FGF12: variants seen among roughly 807,000 people sequenced by gnomAD.
FGF12 encodes fibroblast growth factor 12B.
A neutral mutation model predicts 23.6 loss-of-function variants in FGF12; 14 were observed. The ratio of observed to expected loss-of-function variants is 0.59; its 90% CI spans 0.39 to 0.93. FGF12 has a LOEUF of 0.93. Among genes scored for constraint, FGF12 ranks in the 40% least tolerant of loss-of-function variants. FGF12 has a pLI of 0.00. For missense variants in FGF12, 175 were observed against 217.8 expected (o/e 0.80, Z 1.24); for synonymous variants, 62 against 77.3 (o/e 0.80, Z 1.04).
At chr3:192,451,779 T>C (rs979935823) in intron 2 of FGF12, among the ~76,000 whole-genome samples, 19 of 152,324 alleles carry the variant, frequency 1.2e-4, no homozygotes, top group Admixed American at 5.2e-4. Context: ...GGCTGTATAA[T>C]AGCCCATTGT....
chr3:192,516,661 A>C (rs1451080192), intron 2 of FGF12: 1 of 152,240 alleles, frequency 6.6e-6, no homozygotes, highest in East Asian at 1.9e-4. Context: ...TTCAAAGCTG[A>C]AGCTCCAGGA....
chr3:192,443,898 G>C (rs557522163), intron 2 of FGF12, among the ~76,000 whole-genome samples: 81 of 152,298 alleles, frequency 5.3e-4, no homozygotes, highest in Admixed American at 1.2e-3. Context: ...CAACAAGAGA[G>C]CTCAAACAGA....
At chr3:192,380,757 T>A (rs1040429740) in intron 2 of FGF12, among the ~76,000 whole-genome samples, 1 of 152,094 alleles carries the variant, frequency 6.6e-6, no homozygotes, top group African/African-American at 2.4e-5. Context: ...TTCTCTCCCT[T>A]GGATCTAATA....
At chr3:192,604,426 T>C (rs1481226018) in intron 2 of FGF12, among the ~76,000 whole-genome samples, 1 of 152,182 alleles carries the variant, frequency 6.6e-6, no homozygotes, top group East Asian at 1.9e-4. Flanking sequence ...TAATTTATGT[T>C]CCTCTTCTTC....
At chr3:192,384,782 A>C (rs1486682203) in intron 2 of FGF12, among the ~76,000 whole-genome samples, 1 of 152,182 alleles carries the variant, frequency 6.6e-6, no homozygotes, top group Non-Finnish European at 1.5e-5. Context: ...TGATGTTTGC[A>C]TGAGTGACAC....
chr3:192,303,422 C>T (rs996675870), intron 4 of FGF12, among the ~76,000 whole-genome samples: 2 of 152,140 alleles, frequency 1.3e-5, no homozygotes, highest in South Asian at 4.1e-4. Flanking sequence ...ATAGCAACTC[C>T]TCCTAGCAAC....
intron 2 of FGF12, among the ~76,000 whole-genome samples, chr3:192,666,427 C>T (rs2108688636): frequency 6.6e-6 from 1 of 152,316 alleles, no homozygotes; most frequent in Admixed American, 6.5e-5. Context: ...TTTATACAAT[C>T]ATTTTTCCAG....
At chr3:192,234,159 T>A (rs1719162056) in intron 4 of FGF12, among the ~76,000 whole-genome samples, 1 of 152,210 alleles carries the variant, frequency 6.6e-6, no homozygotes, top group Non-Finnish European at 1.5e-5. Flanking sequence ...TATGATCATT[T>A]TAGCAGTATT....
rs181289410 is a variant in FGF12, at chr3:192,254,805, T to C, written c.228+80556A>G. The stretch of plus-strand genomic sequence containing the variant: ...TTAACAATTCAATCAAAAGAAGTTA[T>C]AACAAGTTAAAAGTGTGTTTATATA... On this transcript the variant is annotated intron_variant, in intron 4 of 5. Coordinates refer to ENST00000445105, the MANE Select transcript of FGF12 (RefSeq NM_004113.6). Among the ~76,000 whole-genome samples the C allele has an allele frequency of 8.8e-4, 134 of 152,208 alleles. 2 individuals are homozygous for C. Among genetic ancestry groups the C allele is most frequent in the African/African-American group, 3.1e-3 (129 of 41,578 alleles).
intron 2 of FGF12, among the ~76,000 whole-genome samples, chr3:192,471,397 T>C (rs1279343140): frequency 6.6e-6 from 1 of 152,214 alleles, no homozygotes; most frequent in African/African-American, 2.4e-5. Flanking sequence ...TAGAGAAATT[T>C]GCAAACAGTG....
chr3:192,276,252 G>C (rs1713778599), intron 4 of FGF12, among the ~76,000 whole-genome samples: 1 of 152,126 alleles, frequency 6.6e-6, no homozygotes, highest in South Asian at 2.1e-4. Flanking sequence ...CCTCACAAGA[G>C]CACAACTTCA....
chr3:192,612,492 T>C (rs1025292258), intron 2 of FGF12, among the ~76,000 whole-genome samples: 2 of 151,862 alleles, frequency 1.3e-5, no homozygotes, highest in African/African-American at 4.8e-5. Context: ...TAAGAATAAA[T>C]AGACAAATGG....
At chr3:192,562,566 A>T (rs906063809) in intron 2 of FGF12, among the ~76,000 whole-genome samples, 10 of 152,192 alleles carry the variant, frequency 6.6e-5, no homozygotes, top group Non-Finnish European at 8.8e-5. Flanking sequence ...AAATAAAAAA[A>T]TTATATAGGC....
intron 2 of FGF12, among the ~76,000 whole-genome samples, chr3:192,573,719 T>C (rs762704420): frequency 3.9e-5 from 6 of 152,162 alleles, no homozygotes; most frequent in Non-Finnish European, 5.9e-5. Flanking sequence ...TATTTTACGA[T>C]ACTTATTAGA....
At chr3:192,405,237 T>C (rs1294861114) in intron 2 of FGF12, among the ~76,000 whole-genome samples, 3 of 151,150 alleles carry the variant, frequency 2.0e-5, no homozygotes, top group Non-Finnish European at 4.4e-5. Context: ...TCATTCTGTG[T>C]TACTGTCATT....
At chr3:192,340,133 C>G (rs1202028216) in intron 3 of FGF12, among the ~76,000 whole-genome samples, 3 of 151,936 alleles carry the variant, frequency 2.0e-5, no homozygotes, top group African/African-American at 7.3e-5. Flanking sequence ...TAACTTAGCT[C>G]CCTCTGCTTG....
At chr3:192,172,192 C>T (rs568789629) in intron 4 of FGF12, among the ~76,000 whole-genome samples, 3 of 139,302 alleles carry the variant, frequency 2.2e-5, no homozygotes, top group Non-Finnish European at 3.3e-5. Context: ...AGTTCAAGAC[C>T]AGCCTGGCCA....
intron 2 of FGF12, among the ~76,000 whole-genome samples, chr3:192,612,769 A>G (rs1193868799): frequency 6.6e-6 from 1 of 152,016 alleles, no homozygotes; most frequent in Non-Finnish European, 1.5e-5. Context: ...CATAAAAAAT[A>G]GGGACATTTA....
At chr3:192,221,405 T>C (rs1421491413) in intron 4 of FGF12, among the ~76,000 whole-genome samples, 2 of 152,158 alleles carry the variant, frequency 1.3e-5, no homozygotes, top group Admixed American at 1.3e-4. Flanking sequence ...GTAGTACTAA[T>C]TAGAATTTAA....
Sources: gnomAD v4.1 joint callset for allele counts (sites outside exome capture counted in the v4.1 genomes callset) on GRCh38, gnomAD v4.1.1 for gene constraint, MANE v1.5 for transcripts, NCBI Gene and HGNC (gene_info 2026-07-23, HGNC 2026-07-21) for gene names.